ARHGEF7: variants seen among roughly 807,000 people sequenced by gnomAD.
ARHGEF7 encodes the protein Rho guanine nucleotide exchange factor 7.
A neutral mutation model predicts 109.8 loss-of-function variants in ARHGEF7; 33 were observed. That is an observed-to-expected ratio of 0.30 (90% CI 0.23 to 0.40). The LOEUF is 0.40. Among genes scored for constraint, ARHGEF7 ranks in the 10% least tolerant of loss-of-function variants. The pLI is 1.00. For missense variants in ARHGEF7, 938 were observed against 1,098.5 expected (o/e 0.85, Z 2.07); for synonymous variants, 458 against 424.6 (o/e 1.08, Z -0.97).
At chr13:111,293,622 C>T (rs749576978) in intron 19 of ARHGEF7, 19 of 985,196 alleles carry the variant, frequency 1.9e-5, no homozygotes, top group Non-Finnish European at 2.3e-5. Context: ...CATGCACGCT[C>T]TATTTGGTGT....
intron 2 of ARHGEF7, among the ~76,000 whole-genome samples, chr13:111,168,636 G>T (rs565950769): frequency 6.6e-6 from 1 of 152,318 alleles, no homozygotes; most frequent in South Asian, 2.1e-4. Flanking sequence ...CTATGAAAGG[G>T]TTTCAGTAAA....
intron 1 of ARHGEF7, among the ~76,000 whole-genome samples, chr13:111,148,525 C>T (rs2153367977): frequency 6.6e-6 from 1 of 152,310 alleles, no homozygotes; most frequent in Middle Eastern, 3.4e-3. Context: ...CCTCAACTTA[C>T]ATACACAGTC....
chr13:111,250,461 C>A (rs923529455), intron 8 of ARHGEF7, among the ~76,000 whole-genome samples: 14 of 152,204 alleles, frequency 9.2e-5, no homozygotes, highest in African/African-American at 3.1e-4. Flanking sequence ...CAATTGCAGA[C>A]CTTCTTACGA....
intron 2 of ARHGEF7, among the ~76,000 whole-genome samples, chr13:111,179,487 A>G (rs9555777): frequency 0.18 from 27,171 of 152,218 alleles, 3,666 homozygotes; most frequent in East Asian, 0.7. Context: ...TAAAAATAAG[A>G]ACATTCTCCT....
intron 2 of ARHGEF7, among the ~76,000 whole-genome samples, chr13:111,186,546 A>G (rs574440589): frequency 8.5e-5 from 13 of 152,324 alleles, no homozygotes; most frequent in African/African-American, 2.6e-4. Flanking sequence ...TGTTTTTCAC[A>G]TGTCCCCAAC....
chr13:111,216,688 G>A lies in ARHGEF7; in HGVS notation c.469-991G>A, dbSNP rs9588384. 8.7e-3 allele frequency among the ~76,000 whole-genome samples: 1,331 copies of A among 152,326 alleles called. 17 individuals are homozygous for A. The highest frequency in any genetic ancestry group is 0.029 in the African/African-American group (1,198 of 41,568). The stretch of plus-strand genomic sequence containing the variant: ...CAGTCTGTGGGACACTGCGTTGCAG[G>A]TGGGCTGGGCTCGCTTACCATCAGT... On this transcript the variant is annotated intron_variant, in intron 4 of 21. Transcript: ENST00000646102.
Position 111,286,590 on chromosome 13 carries a change from A to G in ARHGEF7, c.2044+350A>G, listed in dbSNP as rs145664797. 7.2e-4 allele frequency among the ~76,000 whole-genome samples: 110 copies of G among 152,170 alleles called. 1 individual carries two copies. The East Asian group carries it at 0.014, about 19-fold the overall frequency. ...ACTTCCTGAAGTGCCAGCATCTCCC[A>G]AAGCACCCTGTGTCTGTTAGAAGCG... On this transcript the variant is annotated intron_variant, in intron 17 of 21. Coordinates refer to ENST00000646102, the MANE Select transcript of ARHGEF7 (RefSeq NM_001354046.2).
intron 19 of ARHGEF7, among the ~76,000 whole-genome samples, chr13:111,299,034 C>T (rs572167130): frequency 2.0e-5 from 3 of 152,350 alleles, no homozygotes; most frequent in African/African-American, 7.2e-5. Flanking sequence ...CCCAGGACGT[C>T]ATCTTATCTT....
At chr13:111,202,225 G>A (rs1209496484) in intron 2 of ARHGEF7, among the ~76,000 whole-genome samples, 1 of 152,214 alleles carries the variant, frequency 6.6e-6, no homozygotes, top group African/African-American at 2.4e-5. Context: ...AGTGCAGGTG[G>A]CAGGAAGTGT....
intron 2 of ARHGEF7, among the ~76,000 whole-genome samples, chr13:111,159,742 T>C (rs2076605249): frequency 6.6e-6 from 1 of 152,254 alleles, no homozygotes; most frequent in African/African-American, 2.4e-5. Context: ...TACTGAGTTT[T>C]TAAATATATT....
intron 1 of ARHGEF7, among the ~76,000 whole-genome samples, chr13:111,129,392 CA>C (rs2074620278): frequency 6.6e-6 from 1 of 151,888 alleles, no homozygotes; most frequent in Admixed American, 6.6e-5. Context: ...TTAATCAAAA[CA>C]AAAAGAACTT....
chr13:111,253,212 G>C (rs1169664175), intron 8 of ARHGEF7, among the ~76,000 whole-genome samples: 1 of 152,242 alleles, frequency 6.6e-6, no homozygotes, highest in Non-Finnish European at 1.5e-5. Flanking sequence ...ATTTACTGTA[G>C]ACCCTGTTAC....
At chr13:111,220,610 A>G (rs530860858) in intron 5 of ARHGEF7, among the ~76,000 whole-genome samples, 12 of 152,272 alleles carry the variant, frequency 7.9e-5, no homozygotes, top group African/African-American at 2.9e-4. Flanking sequence ...GTCTTGCAGT[A>G]TGCTGTTACC....
At position 111,292,176 on chromosome 13, in the gene ARHGEF7, C is replaced by A; in HGVS notation, c.2193C>A (p.Ser731Arg). 6.2e-7 allele frequency: 1 copy of A among 1,613,824 alleles called. No individual in the cohort carries two copies. The highest frequency in any genetic ancestry group is 8.5e-7 in the Non-Finnish European group (1 of 1,180,014). Residue 731 changes from serine (S) to arginine (R), a missense_variant, in exon 19 of 22, where the codon AGC becomes AGA. Transcript: ENST00000646102. ...TCTTGGCTGATGATGACCAACCAAG[C>A]CTAGACTCCCTGGGGCGTCGCAGTA... ...NHVLADDDQPSLDSLGRRSSL... is the reference protein window; with the variant it reads ...NHVLADDDQPRLDSLGRRSSL...
chr13:111,260,189 A>G (rs780513840), intron 8 of ARHGEF7, among the ~76,000 whole-genome samples: 23 of 152,258 alleles, frequency 1.5e-4, no homozygotes, highest in Admixed American at 4.6e-4. Flanking sequence ...AGGGGTAGAA[A>G]GTTTATTCAA....
intron 2 of ARHGEF7, among the ~76,000 whole-genome samples, chr13:111,188,016 C>G (rs1024098576): frequency 6.6e-6 from 1 of 152,208 alleles, no homozygotes; most frequent in Non-Finnish European, 1.5e-5. Context: ...GCTGATGACT[C>G]ATTTCTTATG....
At chr13:111,232,122 C>A (rs568215461) in intron 5 of ARHGEF7, among the ~76,000 whole-genome samples, 3 of 152,064 alleles carry the variant, frequency 2.0e-5, no homozygotes, top group Non-Finnish European at 2.9e-5. Flanking sequence ...CCCCATGGAA[C>A]TATGATATAC....
chr13:111,269,343 A>G (rs2091946000), intron 9 of ARHGEF7, among the ~76,000 whole-genome samples: 1 of 152,244 alleles, frequency 6.6e-6, no homozygotes, highest in Non-Finnish European at 1.5e-5. Flanking sequence ...CAGAAAGTTC[A>G]TCTTTCTGAG....
At chr13:111,136,096 G>A (rs1209906882) in intron 1 of ARHGEF7, among the ~76,000 whole-genome samples, 8 of 152,116 alleles carry the variant, frequency 5.3e-5, no homozygotes, top group African/African-American at 1.4e-4. Context: ...GCTGGATTAC[G>A]TTTATTGATT....
Sources: gnomAD v4.1 joint callset for allele counts (sites outside exome capture counted in the v4.1 genomes callset) on GRCh38, gnomAD v4.1.1 for gene constraint, MANE v1.5 for transcripts, NCBI Gene and HGNC (gene_info 2026-07-23, HGNC 2026-07-21) for gene names.